Variants in QTMAN observed in about 807,000 individuals in gnomAD.
QTMAN encodes the protein tRNA-queuosine alpha-mannosyltransferase.
the QTMAN span, chr2:144,006,867 G>A: frequency 4.5e-6 from 1 of 220,710 alleles, no homozygotes; most frequent in Non-Finnish European, 8.8e-6. Context: ...GTGTGTGTGT[G>A]CATAAAATGG....
the QTMAN span, chr2:144,127,830 A>G: frequency 6.6e-6 from 1 of 152,054 alleles, no homozygotes; most frequent in African/African-American, 2.4e-5. Flanking sequence ...TAAGACTGGA[A>G]CCCAAGTCTG....
At chr2:144,216,263 A>ATAG in the QTMAN span, among the ~76,000 whole-genome samples, 391 of 152,292 alleles carry the variant, frequency 2.6e-3, 1 homozygote, top group African/African-American at 8.5e-3. Flanking sequence ...TATACTCTGT[A>ATAG]TAGTAGAATT....
chr2:144,280,784 CA>C, the QTMAN span, among the ~76,000 whole-genome samples: 1 of 151,588 alleles, frequency 6.6e-6, no homozygotes, highest in Non-Finnish European at 1.5e-5. Flanking sequence ...ACATGTAATC[CA>C]CAGAGAAGGA....
At chr2:144,170,739 A>G in the QTMAN span, among the ~76,000 whole-genome samples, 1 of 152,054 alleles carries the variant, frequency 6.6e-6, no homozygotes, top group Non-Finnish European at 1.5e-5. Context: ...CAAGAGACCT[A>G]TGGATAACTA....
the QTMAN span, among the ~76,000 whole-genome samples, chr2:144,210,460 AG>A: frequency 6.6e-6 from 1 of 152,200 alleles, no homozygotes; most frequent in Admixed American, 6.5e-5. Flanking sequence ...CCTACCCACC[AG>A]GAATAGATGA....
chr2:144,225,056 T>G, the QTMAN span, among the ~76,000 whole-genome samples: 1 of 152,188 alleles, frequency 6.6e-6, no homozygotes, highest in Non-Finnish European at 1.5e-5. Context: ...AAATTCTCCT[T>G]TTGCTTCCTT....
the QTMAN span, among the ~76,000 whole-genome samples, chr2:144,245,457 T>G: frequency 6.6e-6 from 1 of 152,314 alleles, no homozygotes; most frequent in South Asian, 2.1e-4. Flanking sequence ...ATCATACTAT[T>G]TCAAACTTTA....
At chr2:144,128,558 G>A in the QTMAN span, among the ~76,000 whole-genome samples, 3 of 151,994 alleles carry the variant, frequency 2.0e-5, no homozygotes, top group Admixed American at 6.6e-5. Flanking sequence ...AACTACTAAT[G>A]CAGTGAATGA....
chr2:144,210,249 A>C, the QTMAN span, among the ~76,000 whole-genome samples: 1 of 152,180 alleles, frequency 6.6e-6, no homozygotes, highest in Non-Finnish European at 1.5e-5. Flanking sequence ...TAGTCTCATC[A>C]TCTCCAAAAT....
At chr2:144,078,501 A>G in the QTMAN span, among the ~76,000 whole-genome samples, 1 of 152,246 alleles carries the variant, frequency 6.6e-6, no homozygotes, top group Non-Finnish European at 1.5e-5. Flanking sequence ...ATTCTGCATA[A>G]GCAGAAAGAT....
At chr2:144,117,779 T>C in the QTMAN span, among the ~76,000 whole-genome samples, 2 of 151,928 alleles carry the variant, frequency 1.3e-5, no homozygotes, top group African/African-American at 4.8e-5. Flanking sequence ...GCATATATAA[T>C]GTGAAGTATT....
the QTMAN span, among the ~76,000 whole-genome samples, chr2:144,210,675 C>T: frequency 1.3e-5 from 2 of 152,112 alleles, no homozygotes; most frequent in African/African-American, 4.8e-5. Flanking sequence ...CACAGACACC[C>T]TCTAGGTTCA....
chr2:144,254,651 C>T, the QTMAN span, among the ~76,000 whole-genome samples: 1 of 152,164 alleles, frequency 6.6e-6, no homozygotes, highest in Non-Finnish European at 1.5e-5. Flanking sequence ...AAGAGCACCA[C>T]CATCCTCCAG....
chr2:144,038,313 A>C, the QTMAN span, among the ~76,000 whole-genome samples: 1 of 54,270 alleles, frequency 1.8e-5, no homozygotes, highest in Admixed American at 2.7e-4. Context: ...TATATATAAC[A>C]TATATATTAC....
At chr2:144,225,081 A>T in the QTMAN span, among the ~76,000 whole-genome samples, 3 of 152,212 alleles carry the variant, frequency 2.0e-5, no homozygotes, top group African/African-American at 7.2e-5. Context: ...AATTCAAGCT[A>T]AAATATTTGC....
the QTMAN span, among the ~76,000 whole-genome samples, chr2:144,179,956 G>C: frequency 1.3e-5 from 2 of 152,112 alleles, no homozygotes; most frequent in East Asian, 1.9e-4. Flanking sequence ...TTGTTGTAAA[G>C]GTGTATCCCT....
chr2:144,257,532 T>C, the QTMAN span, among the ~76,000 whole-genome samples: 1 of 152,156 alleles, frequency 6.6e-6, no homozygotes, highest in Non-Finnish European at 1.5e-5. Flanking sequence ...CTCCTATGAC[T>C]CGTGGGCCTC....
the QTMAN span, among the ~76,000 whole-genome samples, chr2:144,126,867 T>A: frequency 6.6e-6 from 1 of 152,010 alleles, no homozygotes; most frequent in Non-Finnish European, 1.5e-5. Flanking sequence ...AGGGTCAAAA[T>A]TCTAATGTAA....
chr2:144,073,553 T>C, the QTMAN span, among the ~76,000 whole-genome samples: 2 of 152,192 alleles, frequency 1.3e-5, no homozygotes, highest in African/African-American at 4.8e-5. Context: ...TGCATAGCCC[T>C]TTCTGGGTTT....
Sources: gnomAD v4.1 joint callset for allele counts (sites outside exome capture counted in the v4.1 genomes callset) on GRCh38, gnomAD v4.1.1 for gene constraint, MANE v1.5 for transcripts, NCBI Gene and HGNC (gene_info 2026-07-23, HGNC 2026-07-21) for gene names.